Variants in CHLSN observed in about 807,000 individuals in gnomAD.
CHLSN encodes the protein cholesin.
the CHLSN span, chr7:1,127,246 G>A: frequency 6.3e-7 from 1 of 1,590,630 alleles, no homozygotes; most frequent in Non-Finnish European, 8.5e-7. Context: ...GTGAAGCACA[G>A]GCGGCCTTAC....
the CHLSN span, chr7:986,443 G>A: frequency 3.0e-6 from 2 of 675,684 alleles, no homozygotes; most frequent in Non-Finnish European, 5.0e-6. Flanking sequence ...CGGACAGGGG[G>A]TTTCCTGGCA....
chr7:1,102,890 TAG>T, the CHLSN span, among the ~76,000 whole-genome samples: 9 of 152,068 alleles, frequency 5.9e-5, no homozygotes, highest in African/African-American at 1.4e-4. Flanking sequence ...TGCAGGAAAA[TAG>T]AGTCTGGAGG....
the CHLSN span, among the ~76,000 whole-genome samples, chr7:1,081,147 C>T: frequency 2.0e-5 from 3 of 152,258 alleles, no homozygotes; most frequent in Admixed American, 6.5e-5. Context: ...TCCCTCCCCG[C>T]GTGCCGTCAT....
At chr7:1,034,528 T>C in the CHLSN span, among the ~76,000 whole-genome samples, 2 of 152,172 alleles carry the variant, frequency 1.3e-5, no homozygotes, top group Non-Finnish European at 2.9e-5. Context: ...ATCGGACAGC[T>C]GTGGTGCAGC....
chr7:1,072,000 C>G, the CHLSN span, among the ~76,000 whole-genome samples: 1 of 152,234 alleles, frequency 6.6e-6, no homozygotes. Flanking sequence ...GGGCAAGTGG[C>G]ACCCAACAGT....
chr7:1,136,119 AATAT>A, the CHLSN span, among the ~76,000 whole-genome samples: 1 of 63,590 alleles, frequency 1.6e-5, no homozygotes, highest in South Asian at 4.3e-4. Flanking sequence ...TATATACATA[AATAT>A]ATATAAATAT....
chr7:1,051,312 G>T, the CHLSN span, among the ~76,000 whole-genome samples: 1 of 152,262 alleles, frequency 6.6e-6, no homozygotes, highest in Non-Finnish European at 1.5e-5. Context: ...CTGGTGTCCA[G>T]CTCTGCCCCC....
chr7:1,041,221 T>C, the CHLSN span, among the ~76,000 whole-genome samples: 1 of 146,606 alleles, frequency 6.8e-6, no homozygotes, highest in African/African-American at 2.5e-5. Context: ...GAACGGGACC[T>C]GGGCTCCGCG....
At chr7:1,117,534 A>AT in the CHLSN span, among the ~76,000 whole-genome samples, 2 of 132,018 alleles carry the variant, frequency 1.5e-5, no homozygotes, top group Non-Finnish European at 1.6e-5. Flanking sequence ...CTACAGCTCT[A>AT]GGACCGGCTT....
the CHLSN span, chr7:1,009,865 T>C: frequency 8.5e-7 from 1 of 1,173,230 alleles, no homozygotes; most frequent in Non-Finnish European, 1.2e-6. Context: ...TTCCACACAG[T>C]GTGTGCGAGT....
chr7:1,108,597 C>T, the CHLSN span, among the ~76,000 whole-genome samples: 2 of 152,354 alleles, frequency 1.3e-5, no homozygotes, highest in Non-Finnish European at 2.9e-5. Context: ...TCCACCCCAG[C>T]TTCCCTGCCA....
the CHLSN span, chr7:1,058,002 C>T: frequency 1.3e-6 from 1 of 770,190 alleles, no homozygotes; most frequent in Admixed American, 1.7e-5. Flanking sequence ...CTTCTCCTCG[C>T]TGCTCTTCTA....
the CHLSN span, among the ~76,000 whole-genome samples, chr7:1,019,115 C>T: frequency 6.7e-6 from 1 of 148,870 alleles, no homozygotes; most frequent in South Asian, 2.1e-4. Flanking sequence ...CTGCTTGAAC[C>T]CGCGGGGGGC....
At chr7:995,144 TGTGGCCCGAC>T in the CHLSN span, among the ~76,000 whole-genome samples, 4 of 152,246 alleles carry the variant, frequency 2.6e-5, no homozygotes, top group African/African-American at 9.6e-5. Context: ...CCCCAGCACA[TGTGGCCCGAC>T]GTGGCTGGCC....
At chr7:1,043,871 A>T in the CHLSN span, 1 of 152,234 alleles carries the variant, frequency 6.6e-6, no homozygotes, top group Non-Finnish European at 1.5e-5. Context: ...GAACTGTGCA[A>T]CCCACATGCT....
At chr7:1,115,003 T>TG in the CHLSN span, among the ~76,000 whole-genome samples, 1 of 152,232 alleles carries the variant, frequency 6.6e-6, no homozygotes, top group Non-Finnish European at 1.5e-5. Flanking sequence ...GAGATGCCTG[T>TG]GGGGGTCCTG....
the CHLSN span, among the ~76,000 whole-genome samples, chr7:1,064,735 G>A: frequency 6.6e-6 from 1 of 152,202 alleles, no homozygotes; most frequent in African/African-American, 2.4e-5. Context: ...TGTGGGGCCA[G>A]CAGGGACCCT....
At chr7:1,015,981 C>T in the CHLSN span, among the ~76,000 whole-genome samples, 16 of 152,214 alleles carry the variant, frequency 1.1e-4, 1 homozygote, top group Non-Finnish European at 1.8e-4. Flanking sequence ...CTGGGCAGGA[C>T]CATCTAGTGT....
the CHLSN span, among the ~76,000 whole-genome samples, chr7:1,071,722 T>C: frequency 6.6e-6 from 1 of 152,166 alleles, no homozygotes; most frequent in Non-Finnish European, 1.5e-5. Flanking sequence ...AGTCCTATGA[T>C]GCACGCCCAC....
Sources: gnomAD v4.1 joint callset for allele counts (sites outside exome capture counted in the v4.1 genomes callset) on GRCh38, gnomAD v4.1.1 for gene constraint, MANE v1.5 for transcripts, NCBI Gene and HGNC (gene_info 2026-07-23, HGNC 2026-07-21) for gene names.